The following GMEB2 variants were observed in gnomAD, a reference collection of about 807,000 sequenced individuals.
GMEB2 encodes the protein glucocorticoid modulatory element binding protein 2.
Under a neutral mutation model 45.7 loss-of-function variants are expected in GMEB2, and 7 were observed. The ratio of observed to expected loss-of-function variants is 0.15; its 90% CI spans 0.09 to 0.29. The LOEUF (loss-of-function observed/expected upper bound fraction) is 0.29. Among genes scored for constraint, GMEB2 ranks in the 10% least tolerant of loss-of-function variants. The pLI is 1.00. For synonymous variants in GMEB2, 322 were observed against 323.6 expected (o/e 1.00, Z 0.05); for missense variants, 582 against 739.2 (o/e 0.79, Z 2.47).
chr20:63,592,006 G>C lies in GMEB2; in HGVS notation c.952+16C>G, dbSNP rs1307707930. ...CCTACCGCCCAGGGGACGGGACGGGGGTGGTCTCAGCATACCTGCCAGGTC... is the reference window on the plus strand; with the variant it reads ...CCTACCGCCCAGGGGACGGGACGGGCGTGGTCTCAGCATACCTGCCAGGTC... On this transcript the variant is annotated intron_variant, in intron 9 of 9. Transcript: ENST00000370077. The surrounding 1 kb of genome is among the most constrained non-coding windows in gnomAD (Gnocchi z 8.2). The C allele has an allele frequency of 6.2e-7, 1 of 1,604,048 alleles. No homozygotes were observed. The highest frequency in any genetic ancestry group is 1.1e-5 in the South Asian group (1 of 90,646).
At chr20:63,602,856 C>G in intron 4 of GMEB2, 109 bp downstream of exon 4, 1 of 967,698 alleles carries the variant, frequency 1.0e-6, no homozygotes, top group Admixed American at 2.2e-5. Flanking sequence ...TCACTCTCCC[C>G]AGCCCTGGAG....
intron 2 of GMEB2, among the ~76,000 whole-genome samples, chr20:63,610,053 G>A (rs1433806666): frequency 2.0e-5 from 3 of 152,234 alleles, no homozygotes; most frequent in Non-Finnish European, 4.4e-5. Flanking sequence ...TGGCATGAGG[G>A]TTGTCTGAAA....
chr20:63,603,210 C>A (rs2083253980), intron 3 of GMEB2, 118 bp from the exon 4 acceptor site: 2 of 1,171,820 alleles, frequency 1.7e-6, no homozygotes, highest in Admixed American at 2.1e-5. Flanking sequence ...AAATTAAAAT[C>A]CAGGAAGGCC....
At chr20:63,598,688 C>T (rs536389837) in intron 4 of GMEB2, among the ~76,000 whole-genome samples, 1 of 152,282 alleles carries the variant, frequency 6.6e-6, no homozygotes, top group East Asian at 1.9e-4. Flanking sequence ...ACCCCTGTGC[C>T]ACAGACGGGA....
At chr20:63,623,533 TCA>T (rs2089652055) in intron 1 of GMEB2, among the ~76,000 whole-genome samples, 1 of 150,284 alleles carries the variant, frequency 6.7e-6, no homozygotes, top group Non-Finnish European at 1.5e-5. Context: ...GCGCGGTGGC[TCA>T]CACTTGTAAT....
chr20:63,606,348 A>AT (rs34155777), intron 2 of GMEB2, among the ~76,000 whole-genome samples: 69,746 of 139,564 alleles, frequency 0.5, 18,837 homozygotes, highest in Middle Eastern at 0.65. Flanking sequence ...ACCACAAACA[A>AT]TTTTTTTTTT....
chr20:63,619,676 C>T lies in GMEB2; in HGVS notation c.-57-222G>A, dbSNP rs1310177637. ...TTTTTCCCACTGGATAAGCCGAAAC[C>T]CTTGGGTAGAAAGCACAGAGCCACT... On this transcript the variant is annotated intron_variant, in intron 1 of 9. Transcript: ENST00000370077. The surrounding 1 kb of genome is among the most constrained non-coding windows in gnomAD (Gnocchi z 4.6). 2 of 275,722 alleles carry T rather than the reference C, an allele frequency of 7.3e-6. No homozygotes were observed. Among genetic ancestry groups the T allele is most frequent in the African/African-American group, 4.5e-5 (2 of 44,894 alleles). 17.1% of individuals were successfully genotyped at this position (275,722 alleles called of 1,614,324 possible). A position where few individuals can be genotyped will look rare whatever the true frequency, so the allele number is the denominator to read the frequency against.
chr20:63,619,307 CCCCCTCCACA>C lies in GMEB2; in HGVS notation c.81_90del (p.Val28Ter). ...TTGGTCGTCACCAACACGGTCTTCACCCCCTCCACACCACTGCCGTCCACTGCAGTGTCCG... is the reference window on the plus strand; with the variant it reads ...TTGGTCGTCACCAACACGGTCTTCACCCACTGCCGTCCACTGCAGTGTCCG... On this transcript the variant is annotated frameshift_variant, in exon 2 of 10. Transcript: ENST00000370077. LOFTEE classifies it high-confidence loss of function. This position sits in a 1 kb window ranked among gnomAD's most constrained non-coding sequence, Gnocchi z 4.6. The C allele has an allele frequency of 6.2e-7, 1 of 1,612,820 alleles. No individual in the cohort carries two copies.
intron 6 of GMEB2, among the ~76,000 whole-genome samples, chr20:63,594,931 T>C (rs2083181151): frequency 6.6e-6 from 1 of 152,110 alleles, no homozygotes; most frequent in African/African-American, 2.4e-5. Context: ...GTACTTTTAA[T>C]AGAGACAGGG....
chr20:63,589,397 C>A lies in GMEB2; in HGVS notation c.*692G>T. 1 of 392,096 alleles carries A rather than the reference C, an allele frequency of 2.6e-6. No individual in the cohort carries two copies. Among genetic ancestry groups the A allele is most frequent in the Non-Finnish European group, 4.5e-6 (1 of 222,194 alleles). The allele number at this position is 392,096 out of a possible 1,614,324, so 24.3% of individuals were successfully genotyped here. ...TAAGCAATTCACTTAAAAACACCCT[C>A]AGTACATGTGCAACAATGCCTGGAC... On this transcript the variant is annotated 3_prime_UTR_variant, in exon 10 of 10. Transcript: ENST00000370077.
intron 1 of GMEB2, among the ~76,000 whole-genome samples, chr20:63,622,263 G>C (rs1360107152): frequency 6.6e-6 from 1 of 152,240 alleles, no homozygotes; most frequent in African/African-American, 2.4e-5. Context: ...AAGGACAGGA[G>C]TGGGTCCACC....
chr20:63,598,418 A>C (rs1481829678), intron 4 of GMEB2, among the ~76,000 whole-genome samples: 1 of 151,496 alleles, frequency 6.6e-6, no homozygotes, highest in South Asian at 2.1e-4. Context: ...TGCTAATTTC[A>C]CCCATGTGGG....
At position 63,590,420 on chromosome 20, in the gene GMEB2, C is replaced by G; in HGVS notation, c.1262G>C (p.Ser421Thr). The part of the protein sequence containing the change: ...GKGSLQAPPA[S>T]SPASPLLGGY... ...CCCGAGCAGCGGGGAGGCCGGGGAGCTGGCGGGGGGCGCCTGAAGGGAACC... is the reference window on the plus strand; with the variant it reads ...CCCGAGCAGCGGGGAGGCCGGGGAGGTGGCGGGGGGCGCCTGAAGGGAACC... Residue 421 changes from serine (S) to threonine (T), a missense_variant, in exon 10 of 10, where the codon AGC becomes ACC. By Grantham distance (58) the Ser-to-Thr change is moderately conservative. Coordinates refer to ENST00000370077, the MANE Select transcript of GMEB2 (RefSeq NM_012384.5). The G allele has an allele frequency of 1.3e-6, 2 of 1,563,506 alleles. No individual in the cohort carries two copies. Among genetic ancestry groups the G allele is most frequent in the Non-Finnish European group, 1.7e-6 (2 of 1,149,102 alleles).
rs150102996 is a variant in GMEB2 at position 63,614,315 on chromosome 20, A to G, written c.131+4952T>C. ...CTAGGAAAAACTAGGCCATACAGAG[A>G]TAGGAGCTGAGGGGACATAGTGAGA... On this transcript the variant is annotated intron_variant, in intron 2 of 9. Transcript: ENST00000370077. 9.4e-3 allele frequency among the ~76,000 whole-genome samples: 1,434 copies of G among 152,296 alleles called. 15 individuals carry two copies. The highest frequency in any genetic ancestry group is 0.027 in the Middle Eastern group (8 of 294).
At chr20:63,606,017 G>C (rs1330824728) in intron 2 of GMEB2, among the ~76,000 whole-genome samples, 1 of 151,512 alleles carries the variant, frequency 6.6e-6, no homozygotes, top group African/African-American at 2.4e-5. Flanking sequence ...GAGTGCCCCA[G>C]CAAGGATTCT....
Position 63,619,610 on chromosome 20 carries a change from C to T in GMEB2, c.-57-156G>A. 2.2e-6 allele frequency: 1 copy of T among 463,148 alleles called. No individual in the cohort carries two copies. Among genetic ancestry groups the T allele is most frequent in the Non-Finnish European group, 3.9e-6 (1 of 257,600 alleles). 28.7% of individuals were successfully genotyped at this position (463,148 alleles called of 1,614,324 possible). A position where few individuals can be genotyped will look rare whatever the true frequency, so the allele number is the denominator to read the frequency against. ...ACGAGCGGCAACAGAAGGGCTACTC[C>T]AGGCTCTGGTTCCGAGGGCGGTGTA... is the stretch of plus-strand genomic sequence containing the variant. On this transcript the variant is annotated intron_variant, in intron 1 of 9. Transcript: ENST00000370077. This position sits in a 1 kb window ranked among gnomAD's most constrained non-coding sequence, Gnocchi z 4.6.
chr20:63,616,864 T>C (rs1282946022), intron 2 of GMEB2, among the ~76,000 whole-genome samples: 6 of 152,220 alleles, frequency 3.9e-5, no homozygotes, highest in Admixed American at 3.3e-4. Flanking sequence ...AAAATTCATA[T>C]GTTGAAGGCC....
intron 1 of GMEB2, among the ~76,000 whole-genome samples, chr20:63,624,361 A>G (rs916788917): frequency 6.6e-6 from 1 of 151,750 alleles, no homozygotes; most frequent in African/African-American, 2.4e-5. Flanking sequence ...CTCCGGAGGC[A>G]GAGGTTGCAG....
chr20:63,598,079 G>T (rs557651128), intron 4 of GMEB2, among the ~76,000 whole-genome samples: 2 of 152,196 alleles, frequency 1.3e-5, no homozygotes, highest in Admixed American at 6.5e-5. Context: ...CAGCCCTGAG[G>T]GGGCAGAGCT....
Sources: allele counts gnomAD v4.1 joint callset (sites outside exome capture counted in the v4.1 genomes callset), GRCh38; gene constraint gnomAD v4.1.1; non-coding constraint Gnocchi (gnomAD v3.1); transcripts MANE v1.5; gene names NCBI Gene and HGNC (gene_info 2026-07-23, HGNC 2026-07-21).